Variants in AFG2A observed in about 807,000 individuals in gnomAD.
The protein encoded by AFG2A is AAA ATPase AFG2A.
chr4:123,145,741 A>C, the AFG2A span, among the ~76,000 whole-genome samples: 1 of 152,126 alleles, frequency 6.6e-6, no homozygotes, highest in Non-Finnish European at 1.5e-5. Flanking sequence ...AGATTAGGAA[A>C]CTGATCCCCA....
chr4:123,056,173 G>A, the AFG2A span, among the ~76,000 whole-genome samples: 1 of 152,194 alleles, frequency 6.6e-6, no homozygotes, highest in Non-Finnish European at 1.5e-5. Flanking sequence ...ATTAGTCACA[G>A]CCTTTCCTTT....
chr4:123,008,692 G>A, the AFG2A span, among the ~76,000 whole-genome samples: 3 of 152,196 alleles, frequency 2.0e-5, no homozygotes, highest in South Asian at 4.2e-4. Flanking sequence ...ATTTCTTCTC[G>A]TTTTGATCCT....
the AFG2A span, among the ~76,000 whole-genome samples, chr4:123,055,670 G>A: frequency 6.6e-6 from 1 of 152,164 alleles, no homozygotes; most frequent in Admixed American, 6.6e-5. Context: ...TCAAAGTAAG[G>A]GGTGTGTGTA....
the AFG2A span, among the ~76,000 whole-genome samples, chr4:122,956,402 A>T: frequency 6.6e-6 from 1 of 152,360 alleles, no homozygotes; most frequent in East Asian, 1.9e-4. Context: ...TTTAAAGCCA[A>T]GGTCATCTTA....
chr4:123,281,350 C>A, the AFG2A span, among the ~76,000 whole-genome samples: 1 of 152,048 alleles, frequency 6.6e-6, no homozygotes, highest in African/African-American at 2.4e-5. Flanking sequence ...TAGTGTGAAT[C>A]ATATTCTTTT....
At chr4:123,116,263 CA>C in the AFG2A span, among the ~76,000 whole-genome samples, 1 of 152,060 alleles carries the variant, frequency 6.6e-6, no homozygotes, top group East Asian at 1.9e-4. Context: ...ATCATATAAA[CA>C]AAAACAACAG....
chr4:123,311,976 G>A, the AFG2A span, among the ~76,000 whole-genome samples: 1 of 152,210 alleles, frequency 6.6e-6, no homozygotes, highest in African/African-American at 2.4e-5. Context: ...GAAACGTTGA[G>A]AGGTTCCAGG....
chr4:123,088,265 A>T, the AFG2A span, among the ~76,000 whole-genome samples: 2 of 152,104 alleles, frequency 1.3e-5, no homozygotes, highest in Non-Finnish European at 1.5e-5. Flanking sequence ...CTTAGAAACC[A>T]TCTTTCTTAT....
At chr4:122,936,066 G>T in the AFG2A span, 1 of 1,543,972 alleles carries the variant, frequency 6.5e-7, no homozygotes, top group South Asian at 1.2e-5. Flanking sequence ...AAAACAATAA[G>T]AAATGGTCTT....
At chr4:123,115,615 A>G in the AFG2A span, among the ~76,000 whole-genome samples, 2 of 151,812 alleles carry the variant, frequency 1.3e-5, no homozygotes, top group African/African-American at 4.8e-5. Flanking sequence ...GCCCGGCCCC[A>G]CCTGAGTGGA....
chr4:122,952,924 C>G, the AFG2A span, among the ~76,000 whole-genome samples: 3 of 152,248 alleles, frequency 2.0e-5, no homozygotes, highest in African/African-American at 7.2e-5. Context: ...CATGTGCATA[C>G]ATTGGGGGGA....
chr4:123,071,235 C>G, the AFG2A span, among the ~76,000 whole-genome samples: 2 of 152,110 alleles, frequency 1.3e-5, no homozygotes, highest in Non-Finnish European at 2.9e-5. Context: ...AATCCCAGCA[C>G]TTTGGGAGGC....
chr4:123,036,669 T>C, the AFG2A span, among the ~76,000 whole-genome samples: 4 of 152,156 alleles, frequency 2.6e-5, no homozygotes, highest in Non-Finnish European at 5.9e-5. Flanking sequence ...ACTTGCCTAA[T>C]TGTAGCCAGC....
the AFG2A span, among the ~76,000 whole-genome samples, chr4:123,190,161 CTG>C: frequency 6.6e-6 from 1 of 152,088 alleles, no homozygotes; most frequent in Non-Finnish European, 1.5e-5. Context: ...TACAACAGTA[CTG>C]TGACTATTCT....
the AFG2A span, among the ~76,000 whole-genome samples, chr4:123,020,369 G>GTTT: frequency 7.0e-6 from 1 of 142,006 alleles, no homozygotes. Flanking sequence ...TGTGTATGTG[G>GTTT]TTTTTTTTTT....
the AFG2A span, among the ~76,000 whole-genome samples, chr4:122,943,421 G>A: frequency 6.6e-6 from 1 of 152,058 alleles, no homozygotes; most frequent in African/African-American, 2.4e-5. Context: ...ATCTTTGTTG[G>A]TTTAAAGTCT....
chr4:123,159,757 T>A, the AFG2A span, among the ~76,000 whole-genome samples: 1 of 152,042 alleles, frequency 6.6e-6, no homozygotes, highest in African/African-American at 2.4e-5. Context: ...TTGTCCTGAG[T>A]CTCCTGGTTC....
the AFG2A span, among the ~76,000 whole-genome samples, chr4:122,941,014 C>T: frequency 6.6e-6 from 1 of 151,426 alleles, no homozygotes; most frequent in Admixed American, 6.6e-5. Context: ...GGTACCAGTA[C>T]CATGCTGTTT....
chr4:122,937,067 A>G, the AFG2A span, among the ~76,000 whole-genome samples: 1 of 152,136 alleles, frequency 6.6e-6, no homozygotes, highest in African/African-American at 2.4e-5. Context: ...CAGGAGGATC[A>G]CTGAGCTGGG....
Sources: allele counts gnomAD v4.1 joint callset (sites outside exome capture counted in the v4.1 genomes callset), GRCh38; gene constraint gnomAD v4.1.1; transcripts MANE v1.5; gene names NCBI Gene and HGNC (gene_info 2026-07-23, HGNC 2026-07-21).